Variants in LY86 observed in about 807,000 individuals in gnomAD.
The protein encoded by LY86 is lymphocyte antigen 86.
LY86 carries 20 observed loss-of-function variants against 17.3 expected under a neutral mutation model. The observed-to-expected ratio is 1.15, with a 90% CI of 0.81 to 1.68. LY86 has a LOEUF of 1.68. Ranked by LOEUF, LY86 falls within the 40% of genes most tolerant of loss-of-function variation. The probability of loss-of-function intolerance (pLI) is 0.00; values close to 1 mark genes in which losing one functional copy is unlikely to be tolerated. For synonymous variants in LY86, 74 were observed against 70.6 expected (o/e 1.05, Z -0.24); for missense variants, 200 against 191.9 (o/e 1.04, Z -0.25).
At chr6:6,605,065 T>A (rs1426819914) in intron 1 of LY86, among the ~76,000 whole-genome samples, 1 of 144,828 alleles carries the variant, frequency 6.9e-6, no homozygotes, top group Non-Finnish European at 1.5e-5. Context: ...CCACCGAGAC[T>A]CTCACTAAAA....
intron 1 of LY86, among the ~76,000 whole-genome samples, chr6:6,607,708 TG>T (rs1761225469): frequency 6.6e-6 from 1 of 152,186 alleles, no homozygotes; most frequent in Non-Finnish European, 1.5e-5. Context: ...AAGATCAGCC[TG>T]GCCAACATGG....
intron 3 of LY86, among the ~76,000 whole-genome samples, chr6:6,643,950 A>T (rs763808621): frequency 6.6e-6 from 1 of 152,254 alleles, no homozygotes; most frequent in Non-Finnish European, 1.5e-5. Context: ...TCAAAATGCT[A>T]GGTAAATGAA....
chr6:6,616,183 A>T (rs1761549608), intron 1 of LY86, among the ~76,000 whole-genome samples: 1 of 152,188 alleles, frequency 6.6e-6, no homozygotes, highest in Non-Finnish European at 1.5e-5. Context: ...TCGCAGAGTG[A>T]CAGTGACCTG....
chr6:6,652,929 A>C (rs189033588), intron 4 of LY86, among the ~76,000 whole-genome samples: 290 of 152,352 alleles, frequency 1.9e-3, no homozygotes, highest in African/African-American at 6.8e-3. Flanking sequence ...TGTGTGTCTA[A>C]ATGCACATAG....
intron 1 of LY86, among the ~76,000 whole-genome samples, chr6:6,591,733 T>C (rs1760536242): frequency 2.0e-5 from 3 of 152,092 alleles, no homozygotes; most frequent in African/African-American, 7.2e-5. Context: ...ATTGATGGAA[T>C]TAAAACAAAT....
chr6:6,615,414 T>C (rs74506919), intron 1 of LY86, among the ~76,000 whole-genome samples: 5,103 of 152,228 alleles, frequency 0.034, 108 homozygotes, highest in Middle Eastern at 0.075. Flanking sequence ...CTCAGAAATA[T>C]CTATTTAACT....
intron 1 of LY86, among the ~76,000 whole-genome samples, chr6:6,593,688 T>C (rs1760602910): frequency 1.3e-5 from 2 of 152,220 alleles, no homozygotes; most frequent in African/African-American, 2.4e-5. Flanking sequence ...GCATTGTTTC[T>C]GAAATAAAAT....
intron 1 of LY86, among the ~76,000 whole-genome samples, chr6:6,605,440 G>A (rs989289649): frequency 6.6e-6 from 1 of 152,196 alleles, no homozygotes; most frequent in Non-Finnish European, 1.5e-5. Context: ...CCGCTTTCAT[G>A]CCCACTCACA....
In LY86 at chr6:6,626,427, C is replaced by A. The variant is rs781500511; in HGVS notation, c.352+6C>A. ...CTGTGGAAGAAGGAAAGGAGGTAAGCCATCTGTCTTGCTCACTGCTGGCAG... is the reference window on the plus strand; with the variant it reads ...CTGTGGAAGAAGGAAAGGAGGTAAGACATCTGTCTTGCTCACTGCTGGCAG... On this transcript the variant is annotated splice_donor_region_variant and intron_variant, in intron 3 of 4. Transcript: ENST00000230568. 6.2e-7 allele frequency: 1 copy of A among 1,613,466 alleles called. No homozygotes were observed. The highest frequency in any genetic ancestry group is 8.5e-7 in the Non-Finnish European group (1 of 1,179,934).
At chr6:6,606,400 C>T (rs1367886937) in intron 1 of LY86, among the ~76,000 whole-genome samples, 2 of 152,222 alleles carry the variant, frequency 1.3e-5, no homozygotes, top group Non-Finnish European at 2.9e-5. Flanking sequence ...AGGATCCCAG[C>T]TGGCTTCACC....
chr6:6,637,382 A>G (rs1352570966), intron 3 of LY86, among the ~76,000 whole-genome samples: 1 of 152,172 alleles, frequency 6.6e-6, no homozygotes, highest in Non-Finnish European at 1.5e-5. Context: ...GCATGTTTGT[A>G]AATGAGCCAA....
chr6:6,654,665 C>G lies in LY86; in HGVS notation c.*38C>G, dbSNP rs190409396. 1.4e-5 allele frequency: 22 copies of G among 1,547,164 alleles called. No homozygotes were observed. Among genetic ancestry groups the G allele is most frequent in the Non-Finnish European group, 2.7e-6 (3 of 1,119,664 alleles). On this transcript the variant is annotated 3_prime_UTR_variant, in exon 5 of 5. Coordinates refer to ENST00000230568, the MANE Select transcript of LY86 (RefSeq NM_004271.4). The stretch of plus-strand genomic sequence containing the variant: ...GCAAAAATCACAGCCAGCTGCATCT[C>G]GTGGGACCTCCAAGCTCCTCTGACT...
At chr6:6,605,479 T>C (rs1296319647) in intron 1 of LY86, among the ~76,000 whole-genome samples, 2 of 152,238 alleles carry the variant, frequency 1.3e-5, no homozygotes, top group Non-Finnish European at 2.9e-5. Flanking sequence ...AAGTCTTCAA[T>C]AGCTATTAGC....
intron 3 of LY86, among the ~76,000 whole-genome samples, chr6:6,633,142 T>C (rs1264803457): frequency 6.6e-6 from 1 of 152,172 alleles, no homozygotes; most frequent in Non-Finnish European, 1.5e-5. Context: ...AGCCTGAAAC[T>C]CAGGTATCAC....
intron 3 of LY86, among the ~76,000 whole-genome samples, chr6:6,632,874 ACTTTTC>A (rs1761914128): frequency 6.6e-6 from 1 of 152,046 alleles, no homozygotes; most frequent in South Asian, 2.1e-4. Flanking sequence ...TGACATAAAG[ACTTTTC>A]CCAAAGTCTG....
chr6:6,597,070 C>T (rs375447599), intron 1 of LY86, among the ~76,000 whole-genome samples: 1 of 152,204 alleles, frequency 6.6e-6, no homozygotes, highest in Non-Finnish European at 1.5e-5. Flanking sequence ...GGGCTGTCCT[C>T]CAGCCCAGCA....
intron 3 of LY86, among the ~76,000 whole-genome samples, chr6:6,641,107 C>T (rs1762033455): frequency 6.6e-6 from 1 of 152,224 alleles, no homozygotes; most frequent in Non-Finnish European, 1.5e-5. Context: ...AACACGCTGA[C>T]CCTTCACACA....
intron 1 of LY86, among the ~76,000 whole-genome samples, chr6:6,593,629 G>T (rs527450761): frequency 1.3e-5 from 2 of 152,318 alleles, no homozygotes; most frequent in African/African-American, 4.8e-5. Context: ...AACTGATTGA[G>T]GTATAATAGA....
chr6:6,647,408 T>C (rs1258276216), intron 3 of LY86, among the ~76,000 whole-genome samples: 1 of 152,200 alleles, frequency 6.6e-6, no homozygotes, highest in Admixed American at 6.5e-5. Flanking sequence ...TATCTTTTTT[T>C]TTCTTTTGCT....
Sources: gnomAD v4.1 joint callset for allele counts (sites outside exome capture counted in the v4.1 genomes callset) on GRCh38, gnomAD v4.1.1 for gene constraint, MANE v1.5 for transcripts, NCBI Gene and HGNC (gene_info 2026-07-23, HGNC 2026-07-21) for gene names.